EBF2: variants seen among roughly 807,000 people sequenced by gnomAD.
The protein encoded by EBF2 is transcription factor COE2.
Under a neutral mutation model 72.8 loss-of-function variants are expected in EBF2, and 21 were observed. The ratio of observed to expected loss-of-function variants is 0.29; its 90% CI spans 0.20 to 0.42. The LOEUF (loss-of-function observed/expected upper bound fraction) is 0.42. Among genes scored for constraint, EBF2 ranks in the 10% least tolerant of loss-of-function variants. The pLI, the probability that EBF2 is intolerant of heterozygous loss-of-function variation, is 1.00. For synonymous variants in EBF2, 299 were observed against 274.2 expected (o/e 1.09, Z -0.89); for missense variants, 637 against 731.2 (o/e 0.87, Z 1.49).
intron 1 of EBF2, among the ~76,000 whole-genome samples, chr8:26,043,349 C>A (rs1805640871): frequency 6.6e-6 from 1 of 152,254 alleles, no homozygotes; most frequent in African/African-American, 2.4e-5. Flanking sequence ...TGGCTAAGCT[C>A]TCCCCCACTA....
chr8:26,038,551 CCAAA>C (rs1805543795), intron 5 of EBF2, among the ~76,000 whole-genome samples: 4 of 152,140 alleles, frequency 2.6e-5, no homozygotes, highest in African/African-American at 9.7e-5. Flanking sequence ...GGTAATCTCT[CCAAA>C]CAAAGGCATA....
intron 7 of EBF2, among the ~76,000 whole-genome samples, chr8:25,899,199 C>T (rs1286405459): frequency 1.3e-5 from 2 of 151,256 alleles, no homozygotes; most frequent in Non-Finnish European, 2.9e-5. Flanking sequence ...CCCAAGCTTA[C>T]ATCATTGGAC....
chr8:25,984,936 GAAA>G (rs35911115), intron 6 of EBF2, among the ~76,000 whole-genome samples: 72 of 144,122 alleles, frequency 5.0e-4, no homozygotes, highest in South Asian at 3.8e-3. Flanking sequence ...CTCAGCTTCT[GAAA>G]AAAAAAAAAA....
intron 5 of EBF2, 152 bp downstream of exon 5, chr8:26,039,876 C>G: frequency 1.5e-6 from 1 of 680,634 alleles, no homozygotes; most frequent in Non-Finnish European, 2.5e-6. Context: ...GAAGGGGTTT[C>G]CGTGGATCTA....
At chr8:25,937,700 A>G (rs1803601970) in intron 6 of EBF2, among the ~76,000 whole-genome samples, 1 of 152,164 alleles carries the variant, frequency 6.6e-6, no homozygotes, top group South Asian at 2.1e-4. Flanking sequence ...TATGTCCTTC[A>G]AGCATGTCAC....
intron 10 of EBF2, among the ~76,000 whole-genome samples, chr8:25,885,692 G>A (rs1161602090): frequency 5.9e-5 from 9 of 152,162 alleles, no homozygotes; most frequent in African/African-American, 2.2e-4. Flanking sequence ...TTTTATAGTG[G>A]GTTCCCCTTC....
At chr8:25,971,931 G>A (rs1480033975) in intron 6 of EBF2, among the ~76,000 whole-genome samples, 1 of 152,154 alleles carries the variant, frequency 6.6e-6, no homozygotes, top group Non-Finnish European at 1.5e-5. Context: ...GGGCGCCTCA[G>A]GCGGCCAGGG....
chr8:25,865,818 G>C (rs1417310961), intron 10 of EBF2, among the ~76,000 whole-genome samples: 1 of 151,642 alleles, frequency 6.6e-6, no homozygotes, highest in East Asian at 2.0e-4. Flanking sequence ...GAGGTCAGGA[G>C]ATCGAGACTA....
chr8:26,005,480 TA>T lies in EBF2; in HGVS notation c.551+27604del, dbSNP rs1189210000. On this transcript the variant is annotated intron_variant, in intron 6 of 15. Coordinates refer to ENST00000520164, the MANE Select transcript of EBF2 (RefSeq NM_022659.4). The stretch of plus-strand genomic sequence containing the variant: ...ATATATTATAAAATATAATATTATT[TA>T]TAAAATATATATTATAAAATATAAT... Among the ~76,000 whole-genome samples, 9 of 4,780 alleles carry T rather than the reference TA, an allele frequency of 1.9e-3. No homozygotes were observed. The South Asian group carries it at 0.036, about 19-fold the overall frequency. The allele number at this position is 4,780 out of a possible 152,430, so 3.1% of individuals were successfully genotyped here.
rs762212079 is a variant in EBF2 at position 25,889,839 on chromosome 8, C to T, written c.664G>A (p.Gly222Arg). Reference protein sequence around the residue: ...VVLSTTVNVDGHVLAVSDNMF... With the variant: ...VVLSTTVNVDRHVLAVSDNMF... ...TTGTCAGAAACAGCCAGGACGTGTC[C>T]ATCCACATTCACCGTTGTTGACAAC... Residue 222 changes from glycine (G) to arginine (R), a missense_variant, in exon 8 of 16, where the codon GGA becomes AGA. This residue lies in a region of EBF2 where 204 missense variants were observed against 301.2 expected (regional missense o/e 0.68). Coordinates refer to ENST00000520164, the MANE Select transcript of EBF2 (RefSeq NM_022659.4). 1.9e-6 allele frequency: 3 copies of T among 1,613,952 alleles called. No individual in the cohort carries two copies. The highest frequency in any genetic ancestry group is 2.5e-6 in the Non-Finnish European group (3 of 1,179,914).
chr8:25,861,256 C>T (rs1035629136), intron 12 of EBF2, 30 bp from the exon 13 acceptor site: 1 of 1,613,636 alleles, frequency 6.2e-7, no homozygotes, highest in Admixed American at 1.7e-5. Flanking sequence ...TGTGAGCATT[C>T]TATCCAGCAT....
At chr8:25,883,965 T>G (rs542488065) in intron 10 of EBF2, among the ~76,000 whole-genome samples, 15 of 152,268 alleles carry the variant, frequency 9.9e-5, no homozygotes, top group African/African-American at 3.6e-4. Flanking sequence ...TCTTTAATCC[T>G]GCATGCTGGT....
chr8:25,861,485 T>A, intron 11 of EBF2, 111 bp from the exon 12 acceptor site: 1 of 1,196,944 alleles, frequency 8.4e-7, no homozygotes, highest in Non-Finnish European at 1.2e-6. Flanking sequence ...AAAATGTAAG[T>A]AATTAGCCAA....
At chr8:25,948,721 G>T (rs1160385667) in intron 6 of EBF2, among the ~76,000 whole-genome samples, 5 of 152,176 alleles carry the variant, frequency 3.3e-5, no homozygotes, top group Non-Finnish European at 7.3e-5. Flanking sequence ...GAACACAAGG[G>T]AAATAAATGG....
At chr8:25,928,248 G>A (rs1803418128) in intron 6 of EBF2, among the ~76,000 whole-genome samples, 2 of 152,186 alleles carry the variant, frequency 1.3e-5, no homozygotes, top group Non-Finnish European at 2.9e-5. Context: ...CATCTAAGGT[G>A]CACACGCTGG....
chr8:25,933,704 A>G (rs1282740078), intron 6 of EBF2, among the ~76,000 whole-genome samples: 1 of 152,240 alleles, frequency 6.6e-6, no homozygotes, highest in Non-Finnish European at 1.5e-5. Context: ...ATAATTGACT[A>G]TGATATACAA....
intron 14 of EBF2, among the ~76,000 whole-genome samples, chr8:25,852,859 C>T (rs979285097): frequency 2.6e-5 from 4 of 151,118 alleles, no homozygotes; most frequent in Non-Finnish European, 4.5e-5. Flanking sequence ...AAAACAACAC[C>T]GTAAGAGACA....
intron 6 of EBF2, among the ~76,000 whole-genome samples, chr8:25,954,197 G>C (rs903723649): frequency 6.6e-6 from 1 of 152,236 alleles, no homozygotes; most frequent in Admixed American, 6.5e-5. Context: ...TGGCAGGAGT[G>C]TCTCAAAATA....
At chr8:25,899,171 T>G (rs555192837) in intron 7 of EBF2, among the ~76,000 whole-genome samples, 3 of 151,626 alleles carry the variant, frequency 2.0e-5, no homozygotes, top group African/African-American at 7.3e-5. Flanking sequence ...AAGCCTGAAG[T>G]CACTCCAGAG....
Sources: gnomAD v4.1 joint callset for allele counts (sites outside exome capture counted in the v4.1 genomes callset) on GRCh38, gnomAD v4.1.1 for gene constraint, gnomAD v4.1.1 regional missense constraint, MANE v1.5 for transcripts, NCBI Gene and HGNC (gene_info 2026-07-23, HGNC 2026-07-21) for gene names.